The following POU3F3 variants were observed in gnomAD, a reference collection of about 807,000 sequenced individuals.
The protein encoded by POU3F3 is POU class 3 homeobox 3.
Under a neutral mutation model 8.6 loss-of-function variants are expected in POU3F3, and 1 was observed. The observed-to-expected ratio is 0.12, with a 90% CI of 0.04 to 0.55. The LOEUF (loss-of-function observed/expected upper bound fraction) is 0.55. Among genes scored for constraint, POU3F3 ranks in the 20% least tolerant of loss-of-function variants. POU3F3 has a pLI of 0.91. For synonymous variants in POU3F3, 418 were observed against 327.4 expected (o/e 1.28, Z -2.99); for missense variants, 577 against 690.7 (o/e 0.84, Z 1.84).
chr2:104,867,996 A>T, the POU3F3 span: 1 of 337,628 alleles, frequency 3.0e-6, no homozygotes, highest in Non-Finnish European at 5.9e-6. The surrounding 1 kb of genome is among the most constrained non-coding windows in gnomAD (Gnocchi z 5.0). Context: ...ACTCTGGGGT[A>T]ACCCTGGGCC....
the POU3F3 span, among the ~76,000 whole-genome samples, chr2:104,917,511 C>G: frequency 6.6e-6 from 1 of 151,750 alleles, no homozygotes; most frequent in Non-Finnish European, 1.5e-5. Flanking sequence ...GTAACAGGTT[C>G]TTCTGAAGAA....
chr2:104,897,238 C>A, the POU3F3 span, among the ~76,000 whole-genome samples: 1 of 152,164 alleles, frequency 6.6e-6, no homozygotes, highest in African/African-American at 2.4e-5. Context: ...CCTAAGATCA[C>A]ACAGCTACTA....
chr2:104,895,125 G>C, the POU3F3 span, among the ~76,000 whole-genome samples: 1 of 151,754 alleles, frequency 6.6e-6, no homozygotes, highest in South Asian at 2.1e-4. Context: ...TCCCTCAAGC[G>C]TCATCCACAC....
chr2:104,889,484 G>A, the POU3F3 span, among the ~76,000 whole-genome samples: 1 of 152,176 alleles, frequency 6.6e-6, no homozygotes, highest in African/African-American at 2.4e-5. Flanking sequence ...TGCAGGTTCT[G>A]CCACGGAGCC....
At chr2:104,894,877 A>G in the POU3F3 span, among the ~76,000 whole-genome samples, 1 of 152,206 alleles carries the variant, frequency 6.6e-6, no homozygotes, top group Non-Finnish European at 1.5e-5. Context: ...GGGAGCTCCC[A>G]GGTCCTAGGG....
At chr2:104,889,870 T>C in the POU3F3 span, among the ~76,000 whole-genome samples, 1 of 152,226 alleles carries the variant, frequency 6.6e-6, no homozygotes, top group Non-Finnish European at 1.5e-5. Context: ...CTGTTTCTGA[T>C]ATATAGCAAA....
chr2:104,873,023 G>T, the POU3F3 span, among the ~76,000 whole-genome samples: 3,270 of 152,282 alleles, frequency 0.021, 133 homozygotes, highest in African/African-American at 0.076. Context: ...TAACTTCACT[G>T]GCTTTGGGAG....
the POU3F3 span, among the ~76,000 whole-genome samples, chr2:104,885,540 T>C: frequency 6.6e-6 from 1 of 152,214 alleles, no homozygotes; most frequent in South Asian, 2.1e-4. Flanking sequence ...CGCTATATGC[T>C]AATTATAATG....
chr2:104,887,526 AC>A, the POU3F3 span, among the ~76,000 whole-genome samples: 2 of 152,184 alleles, frequency 1.3e-5, 1 homozygote, highest in South Asian at 4.1e-4. Context: ...CTTTAAACTT[AC>A]CCTGGCGTCT....
At chr2:104,864,735 T>G in the POU3F3 span, among the ~76,000 whole-genome samples, 1 of 152,222 alleles carries the variant, frequency 6.6e-6, no homozygotes, top group African/African-American at 2.4e-5. Flanking sequence ...GTTTACCTGA[T>G]CTTTGAAAAG....
chr2:104,877,419 C>A, the POU3F3 span, among the ~76,000 whole-genome samples: 6 of 152,186 alleles, frequency 3.9e-5, no homozygotes, highest in Non-Finnish European at 7.3e-5. Context: ...AGACCACAGG[C>A]AGGACTCTGC....
chr2:104,865,344 G>A, the POU3F3 span: 1 of 152,186 alleles, frequency 6.6e-6, no homozygotes, highest in Admixed American at 6.5e-5. Context: ...TACACCTGAG[G>A]TATGTCTGGA....
chr2:104,854,583 G>C lies in POU3F3; in HGVS notation c.-928G>C, dbSNP rs1442387295. Among the ~76,000 whole-genome samples, 1 of 152,180 alleles carries C rather than the reference G, an allele frequency of 6.6e-6. No homozygotes were observed. The highest frequency in any genetic ancestry group is 1.5e-5 in the Non-Finnish European group (1 of 68,046). Reference sequence around the variant, plus strand: ...GCCCAAAAGGAAAGATGTCGCATCAGACTGTGACTGTTGCGAGGAGAATGA... The same window carrying C: ...GCCCAAAAGGAAAGATGTCGCATCACACTGTGACTGTTGCGAGGAGAATGA... On this transcript the variant is annotated 5_prime_UTR_variant, in exon 1 of 1. Transcript: ENST00000361360. The surrounding 1 kb of genome is among the most constrained non-coding windows in gnomAD (Gnocchi z 4.5).
chr2:104,916,903 G>T, the POU3F3 span, among the ~76,000 whole-genome samples: 5 of 152,224 alleles, frequency 3.3e-5, no homozygotes, highest in African/African-American at 1.2e-4. Flanking sequence ...ATCCAAAAGA[G>T]ATTAGCATTT....
At chr2:104,897,141 G>T in the POU3F3 span, among the ~76,000 whole-genome samples, 1 of 152,230 alleles carries the variant, frequency 6.6e-6, no homozygotes, top group Non-Finnish European at 1.5e-5. Flanking sequence ...TCAGGGGTGA[G>T]ATGCCAAGGT....
the POU3F3 span, among the ~76,000 whole-genome samples, chr2:104,880,790 G>C: frequency 6.6e-6 from 1 of 152,146 alleles, no homozygotes; most frequent in African/African-American, 2.4e-5. Flanking sequence ...ACCATGTCAC[G>C]TCTTCTGTGG....
chr2:104,886,675 A>G, the POU3F3 span, among the ~76,000 whole-genome samples: 1 of 152,198 alleles, frequency 6.6e-6, no homozygotes, highest in South Asian at 2.1e-4. Context: ...TTAGAGGCTG[A>G]GGTAGGTGGA....
chr2:104,904,543 C>T, the POU3F3 span, among the ~76,000 whole-genome samples: 1 of 152,090 alleles, frequency 6.6e-6, no homozygotes, highest in African/African-American at 2.4e-5. Context: ...AAATGTGAAT[C>T]TCAAACAAGA....
At chr2:104,903,593 A>T in the POU3F3 span, among the ~76,000 whole-genome samples, 1 of 152,220 alleles carries the variant, frequency 6.6e-6, no homozygotes, top group East Asian at 1.9e-4. Context: ...TTAAGCATTT[A>T]TTTGAGGTAA....
Sources: allele counts gnomAD v4.1 joint callset (sites outside exome capture counted in the v4.1 genomes callset), GRCh38; gene constraint gnomAD v4.1.1; non-coding constraint Gnocchi (gnomAD v3.1); transcripts MANE v1.5; gene names NCBI Gene and HGNC (gene_info 2026-07-23, HGNC 2026-07-21).